Variants in KLRG1 observed in about 807,000 individuals in gnomAD.
KLRG1 encodes killer cell lectin like receptor G1.
Under a neutral mutation model 21.8 loss-of-function variants are expected in KLRG1, and 16 were observed. That is an observed-to-expected ratio of 0.73 (90% CI 0.50 to 1.11). The LOEUF is 1.11. Among genes scored for constraint, KLRG1 ranks in the 50% most tolerant of loss-of-function variants. The pLI, the probability that KLRG1 is intolerant of heterozygous loss-of-function variation, is 0.00. For missense variants in KLRG1, 173 were observed against 218.3 expected (o/e 0.79, Z 1.31); for synonymous variants, 69 against 75.9 (o/e 0.91, Z 0.47).
chr12:9,143,553 G>A, the KLRG1 span, among the ~76,000 whole-genome samples: 1 of 152,084 alleles, frequency 6.6e-6, no homozygotes, highest in Non-Finnish European at 1.5e-5. Flanking sequence ...TTCATGAGGG[G>A]TGCAAGCTTG....
At chr12:9,127,710 A>G in the KLRG1 span, 1 of 160,840 alleles carries the variant, frequency 6.2e-6, no homozygotes, top group Non-Finnish European at 1.4e-5. Flanking sequence ...GGCAGCGGCG[A>G]TGCCAGCGTC....
chr12:9,150,692 C>T, the KLRG1 span: 4 of 1,613,084 alleles, frequency 2.5e-6, no homozygotes, highest in Admixed American at 3.3e-5. Context: ...TTCAAGTCTC[C>T]TACTGGGATG....
the KLRG1 span, chr12:9,182,069 G>C: frequency 6.2e-7 from 1 of 1,613,552 alleles, no homozygotes; most frequent in African/African-American, 1.3e-5. Context: ...TCGTGCAATG[G>C]GGGCAACGTC....
intron 1 of KLRG1, chr12:8,990,441 T>A (rs988345500): frequency 1.3e-5 from 2 of 152,154 alleles, no homozygotes; most frequent in African/African-American, 4.8e-5. Flanking sequence ...CTAAGCTTTC[T>A]CTCTTTTTAC....
the KLRG1 span, among the ~76,000 whole-genome samples, chr12:9,178,620 T>C: frequency 1.9e-4 from 29 of 152,352 alleles, no homozygotes; most frequent in Admixed American, 5.2e-4. Flanking sequence ...AAGAAAATCA[T>C]GCTTGTTTTG....
At chr12:9,053,766 G>C in the KLRG1 span, among the ~76,000 whole-genome samples, 1 of 152,138 alleles carries the variant, frequency 6.6e-6, no homozygotes, top group Non-Finnish European at 1.5e-5. Flanking sequence ...CTGCTCTACA[G>C]ATAACAACTT....
chr12:8,983,690 C>T (rs917697418), intron 1 of KLRG1, among the ~76,000 whole-genome samples: 3 of 152,094 alleles, frequency 2.0e-5, no homozygotes, highest in African/African-American at 4.8e-5. Flanking sequence ...CGTGAACCGC[C>T]GTGCCTGGCC....
the KLRG1 span, among the ~76,000 whole-genome samples, chr12:9,031,632 A>G: frequency 6.6e-6 from 1 of 152,240 alleles, no homozygotes; most frequent in South Asian, 2.1e-4. Context: ...ACCATGGCCC[A>G]CGACGCAGCC....
intron 4 of KLRG1, 105 bp from the exon 5 acceptor site, chr12:9,009,321 C>A (rs1947576001): frequency 7.2e-7 from 1 of 1,390,000 alleles, no homozygotes. Context: ...GAATTAGGGG[C>A]CTGAATAGGG....
the KLRG1 span, among the ~76,000 whole-genome samples, chr12:9,138,584 T>A: frequency 1.6e-4 from 24 of 152,094 alleles, no homozygotes; most frequent in South Asian, 4.1e-4. Flanking sequence ...GGCACTTTTT[T>A]AAAAAAATGT....
chr12:9,034,514 C>T, the KLRG1 span, among the ~76,000 whole-genome samples: 35 of 150,646 alleles, frequency 2.3e-4, no homozygotes, highest in South Asian at 6.4e-4. Flanking sequence ...GGTGTGATCT[C>T]GGCTCGCTGC....
chr12:9,147,847 T>G, the KLRG1 span, among the ~76,000 whole-genome samples: 43 of 152,322 alleles, frequency 2.8e-4, 2 homozygotes, highest in African/African-American at 9.6e-4. Flanking sequence ...AATGTTGCCT[T>G]TATGTATGAA....
the KLRG1 span, among the ~76,000 whole-genome samples, chr12:9,121,097 GCTAGCCTCA>G: frequency 3.3e-5 from 5 of 152,090 alleles, no homozygotes; most frequent in South Asian, 1.0e-3. This position sits in a 1 kb window ranked among gnomAD's most constrained non-coding sequence, Gnocchi z 4.4. Context: ...TGTTGCTCAG[GCTAGCCTCA>G]AAGTCCTGGC....
At chr12:8,998,374 A>G (rs780263063) in intron 3 of KLRG1, among the ~76,000 whole-genome samples, 2 of 152,044 alleles carry the variant, frequency 1.3e-5, no homozygotes, top group Non-Finnish European at 2.9e-5. Context: ...CTAAGGCTAC[A>G]AATCTGGCAG....
chr12:9,098,870 G>T, the KLRG1 span: 1 of 1,195,496 alleles, frequency 8.4e-7, no homozygotes, highest in Non-Finnish European at 1.2e-6. Context: ...GCTTGACTTC[G>T]TGGAGGGTTG....
At chr12:8,977,858 G>T (rs1316253664) in intron 1 of KLRG1, among the ~76,000 whole-genome samples, 1 of 151,820 alleles carries the variant, frequency 6.6e-6, no homozygotes. Flanking sequence ...TTTCTGTATT[G>T]TTTCAATCTC....
At chr12:9,036,320 C>T in the KLRG1 span, 1 of 152,822 alleles carries the variant, frequency 6.5e-6, no homozygotes, top group Non-Finnish European at 1.5e-5. Context: ...AGGAGATCAC[C>T]ATATCACCTC....
chr12:9,093,838 G>A, the KLRG1 span, among the ~76,000 whole-genome samples: 40 of 147,888 alleles, frequency 2.7e-4, no homozygotes, highest in Non-Finnish European at 1.9e-4. Context: ...AGGCCGAGAC[G>A]GCGCCACTGC....
At chr12:9,119,241 C>T in the KLRG1 span, among the ~76,000 whole-genome samples, 14 of 152,062 alleles carry the variant, frequency 9.2e-5, no homozygotes, top group Admixed American at 6.5e-4. Flanking sequence ...TTCTAAGACG[C>T]TAGAAATAAG....
Sources: gnomAD v4.1 joint callset for allele counts (sites outside exome capture counted in the v4.1 genomes callset) on GRCh38, gnomAD v4.1.1 for gene constraint, Gnocchi (gnomAD v3.1) non-coding constraint, MANE v1.5 for transcripts, NCBI Gene and HGNC (gene_info 2026-07-23, HGNC 2026-07-21) for gene names.